Variants in ZNF561 observed in about 807,000 individuals in gnomAD.
ZNF561 encodes zinc finger protein 561.
ZNF561 carries 16 observed loss-of-function variants against 16.7 expected under a neutral mutation model. The observed-to-expected ratio is 0.96, with a 90% confidence interval of 0.65 to 1.45. The LOEUF (loss-of-function observed/expected upper bound fraction) is 1.45, where lower values mean the gene tolerates loss of function less well. ZNF561 is among the 40% of genes most tolerant of loss of function. The probability of loss-of-function intolerance (pLI) is 0.00; values close to 1 mark genes in which losing one functional copy is unlikely to be tolerated. For missense variants in ZNF561, 580 were observed against 578.0 expected (o/e 1.00, Z -0.04); for synonymous variants, 190 against 192.1 (o/e 0.99, Z 0.09).
intron 5 of ZNF561, among the ~76,000 whole-genome samples, chr19:9,613,701 G>A (rs1340188987): frequency 1.3e-5 from 2 of 152,080 alleles, no homozygotes; most frequent in African/African-American, 4.8e-5. Context: ...ATTCTTAGTA[G>A]AGATGGAGTT....
In ZNF561 at chr19:9,609,671, GC is replaced by G. The variant is rs2074411078; in HGVS notation, c.*528del. 1.3e-5 allele frequency: 2 copies of G among 154,124 alleles called. No individual in the cohort carries two copies. Among genetic ancestry groups the G allele is most frequent in the South Asian group, 4.0e-4 (2 of 4,940 alleles). The allele number at this position is 154,124 out of a possible 1,614,324, so 9.5% of individuals were successfully genotyped here. A position where few individuals can be genotyped will look rare whatever the true frequency, so the allele number is the denominator to read the frequency against. On this transcript the variant is annotated 3_prime_UTR_variant, in exon 6 of 6. Transcript: ENST00000302851. ...AGACATACAAGGCAGAACAGGCAAGGCTGTCACACTTCTTAGATTTTACAAG... is the reference window on the plus strand; with the variant it reads ...AGACATACAAGGCAGAACAGGCAAGGTGTCACACTTCTTAGATTTTACAAG...
At position 9,611,195 on chromosome 19, in the gene ZNF561, G is replaced by C. The variant is rs1441382505; in HGVS notation, c.466C>G (p.Leu156Val). Residue 156 changes from leucine (L) to valine (V), a missense_variant, in exon 6 of 6, where the codon CTC becomes GTC. Transcript: ENST00000302851. ...SEGNCYGKDT[L>V]SVHKEASTGQ... ...GTAGAGGCTTCCTTGTGCACACTGA[G>C]GGTGTCTTTTCCATAACAATTACCC... The C allele has an allele frequency of 1.9e-6, 3 of 1,613,932 alleles. No homozygotes were observed. The highest frequency in any genetic ancestry group is 2.5e-6 in the Non-Finnish European group (3 of 1,179,870).
chr19:9,619,363 C>T (rs1266298573), intron 2 of ZNF561, 69 bp downstream of exon 2: 1 of 1,553,218 alleles, frequency 6.4e-7, no homozygotes, highest in Non-Finnish European at 8.8e-7. Flanking sequence ...GCTCAGCTCA[C>T]TGGACGCTTG....
chr19:9,617,078 T>C lies in ZNF561; in HGVS notation c.208A>G (p.Met70Val). Residue 70 changes from methionine (M) to valine (V), a missense_variant, in exon 4 of 6, where the codon ATG becomes GTG. Coordinates refer to ENST00000302851, the MANE Select transcript of ZNF561 (RefSeq NM_152289.3). ...TTEKYLYRDV[M>V]LENYMNLASV... is the part of the protein sequence containing the mutation. ...GCCAGGTTCATGTAGTTCTCCAGCA[T>C]CACATCTCTGTAGAGGTATTTCTCA... The C allele has an allele frequency of 6.2e-7, 1 of 1,612,948 alleles. No homozygotes were observed. The highest frequency in any genetic ancestry group is 1.3e-5 in the African/African-American group (1 of 75,026).
At position 9,618,082 on chromosome 19, in the gene ZNF561, T is replaced by G. The variant is rs529698191; in HGVS notation, c.114+9A>C. 6.5e-7 allele frequency: 1 copy of G among 1,550,016 alleles called. No individual in the cohort carries two copies. The highest frequency in any genetic ancestry group is 8.7e-7 in the Non-Finnish European group (1 of 1,145,874). ...TATCATTTTTAACAACAGTACGTTT[T>G]CTGCTTACCTGATAACCACTTGCCA... On this transcript the variant is annotated intron_variant, in intron 3 of 5. Coordinates refer to ENST00000302851, the MANE Select transcript of ZNF561 (RefSeq NM_152289.3).
rs555721166 is a variant in ZNF561, at chr19:9,607,729, T to C, written c.*2471A>G. On this transcript the variant is annotated 3_prime_UTR_variant, in exon 6 of 6. Coordinates refer to ENST00000302851, the MANE Select transcript of ZNF561 (RefSeq NM_152289.3). ...TAACCTAACGACTAAAGTGGAAAAG[T>C]AAGAGTCATTATTTACAGATTATGT... is the stretch of plus-strand genomic sequence containing the variant. 1 of 152,104 alleles carries C rather than the reference T, an allele frequency of 6.6e-6. No homozygotes were observed. The highest frequency in any genetic ancestry group is 1.5e-5 in the Non-Finnish European group (1 of 68,018). The allele number at this position is 152,104 out of a possible 1,614,324, so 9.4% of individuals were successfully genotyped here.
At chr19:9,619,889 A>ATC (rs1175109111) in intron 1 of ZNF561, among the ~76,000 whole-genome samples, 6 of 138,472 alleles carry the variant, frequency 4.3e-5, no homozygotes, top group Admixed American at 7.6e-5. Flanking sequence ...ATCTATCTAT[A>ATC]TATCTATCTA....
rs116076358 is a variant in ZNF561 at position 9,615,312 on chromosome 19, G to C, written c.242-1209C>G. Among the ~76,000 whole-genome samples the C allele has an allele frequency of 3.5e-3, 532 of 152,032 alleles. 4 individuals carry two copies. The highest frequency in any genetic ancestry group is 0.012 in the African/African-American group (496 of 41,480). On this transcript the variant is annotated intron_variant, in intron 4 of 5. Coordinates refer to ENST00000302851, the MANE Select transcript of ZNF561 (RefSeq NM_152289.3). ...AACTTTTATTTCAGTAAGAAATAAA[G>C]TAGGCTGGGTGTGGTGGCTCATGCC...
At chr19:9,617,651 C>A (rs1161317394) in intron 3 of ZNF561, 1 of 457,140 alleles carries the variant, frequency 2.2e-6, no homozygotes, top group Non-Finnish European at 4.4e-6. Flanking sequence ...GAATTACAGG[C>A]ATGAGCCACT....
Position 9,607,720 on chromosome 19 carries a change from G to C in ZNF561, c.*2480C>G, listed in dbSNP as rs772949980. The C allele has an allele frequency of 2.0e-5, 3 of 152,132 alleles. No individual in the cohort carries two copies. The highest frequency in any genetic ancestry group is 4.4e-5 in the Non-Finnish European group (3 of 68,028). 9.4% of individuals were successfully genotyped at this position (152,132 alleles called of 1,614,324 possible). On this transcript the variant is annotated 3_prime_UTR_variant, in exon 6 of 6. Coordinates refer to ENST00000302851, the MANE Select transcript of ZNF561 (RefSeq NM_152289.3). ...ATATAGGTATAACCTAACGACTAAA[G>C]TGGAAAAGTAAGAGTCATTATTTAC... is the stretch of plus-strand genomic sequence containing the variant.
At chr19:9,611,538 C>T (rs1429636303) in intron 5 of ZNF561, among the ~76,000 whole-genome samples, 2 of 152,148 alleles carry the variant, frequency 1.3e-5, no homozygotes, top group African/African-American at 4.8e-5. Context: ...CCTCCACCTC[C>T]CAGGCTCAAC....
intron 2 of ZNF561, 26 bp downstream of exon 2, chr19:9,619,406 G>A: frequency 6.2e-7 from 1 of 1,611,602 alleles, no homozygotes; most frequent in Non-Finnish European, 8.5e-7. Flanking sequence ...CAGAATCTCT[G>A]AAAAAGAGCA....
intron 4 of ZNF561, among the ~76,000 whole-genome samples, chr19:9,616,769 T>C (rs988608128): frequency 2.0e-5 from 3 of 151,950 alleles, no homozygotes; most frequent in African/African-American, 7.3e-5. Context: ...TTTTTTTGAA[T>C]TTTTTTAGTA....
chr19:9,610,686 A>C lies in ZNF561; in HGVS notation c.975T>G (p.Thr325=). The C allele has an allele frequency of 6.2e-7, 1 of 1,614,186 alleles. No individual in the cohort carries two copies. The highest frequency in any genetic ancestry group is 8.5e-7 in the Non-Finnish European group (1 of 1,180,030). ...TTCCAGTGTGAGTTCTTACATGTTC[A>C]GTAAGTTGAGTTGATCTAGTGAAGG... ...GKAFTRSTQL[T]EHVRTHTGIK... Residue 325 remains threonine, a synonymous_variant, in exon 6 of 6, where the codon ACT becomes ACG. Transcript: ENST00000302851.
chr19:9,617,011 G>A (rs2074566501), intron 4 of ZNF561, 34 bp downstream of exon 4: 2 of 1,584,324 alleles, frequency 1.3e-6, no homozygotes, highest in African/African-American at 1.3e-5. Context: ...ACAGGTGCAG[G>A]CCACCATGCC....
chr19:9,610,251 A>T lies in ZNF561; in HGVS notation c.1410T>A (p.Ile470=). 2 of 1,612,824 alleles carry T rather than the reference A, an allele frequency of 1.2e-6. No homozygotes were observed. Among genetic ancestry groups the T allele is most frequent in the Admixed American group, 3.3e-5 (2 of 59,810 alleles). Residue 470 remains isoleucine (I), a synonymous_variant, in exon 6 of 6, where the codon ATT becomes ATA. Coordinates refer to ENST00000302851, the MANE Select transcript of ZNF561 (RefSeq NM_152289.3). ...ATTCATAGGGTTTCTCCCCAGTGTG[A>T]ATTCTTTCATGTCTACTTAGGCGTG... ...VSSRLSRHER[I]HTGEKPYECK...
At position 9,608,291 on chromosome 19, in the gene ZNF561, G is replaced by GAGGAGAA. The variant is rs1568226065; in HGVS notation, c.*1902_*1908dup. ...AGAGAGAGAAAGAGGAGAGAGGAGA[G>GAGGAGAA]AGGAGAAAGGAGAGAGGAGAGAGAG... On this transcript the variant is annotated 3_prime_UTR_variant, in exon 6 of 6. Transcript: ENST00000302851. 6.6e-6 allele frequency: 1 copy of GAGGAGAA among 151,878 alleles called. No individual in the cohort carries two copies. The highest frequency in any genetic ancestry group is 2.4e-5 in the African/African-American group (1 of 41,356). The allele number at this position is 151,878 out of a possible 1,614,324, so 9.4% of individuals were successfully genotyped here. A position where few individuals can be genotyped will look rare whatever the true frequency, so the allele number is the denominator to read the frequency against.
chr19:9,608,194 T>C lies in ZNF561; in HGVS notation c.*2006A>G, dbSNP rs2144856304. ...CCTGAAAATAGGCTCTTTAGAAGTATCGTGAAATGATGTCAAGAGATGGGT... is the reference window on the plus strand; with the variant it reads ...CCTGAAAATAGGCTCTTTAGAAGTACCGTGAAATGATGTCAAGAGATGGGT... On this transcript the variant is annotated 3_prime_UTR_variant, in exon 6 of 6. Transcript: ENST00000302851. The C allele has an allele frequency of 6.9e-6, 1 of 145,372 alleles. No homozygotes were observed. The highest frequency in any genetic ancestry group is 2.5e-5 in the African/African-American group (1 of 39,244). The allele number at this position is 145,372 out of a possible 1,614,324, so 9.0% of individuals were successfully genotyped here. A position where few individuals can be genotyped will look rare whatever the true frequency, so the allele number is the denominator to read the frequency against.
At position 9,619,461 on chromosome 19, in the gene ZNF561, T is replaced by C; in HGVS notation, c.-5A>G. 1 of 1,613,114 alleles carries C rather than the reference T, an allele frequency of 6.2e-7. No homozygotes were observed. Among genetic ancestry groups the C allele is most frequent in the Non-Finnish European group, 8.5e-7 (1 of 1,179,376 alleles). ...GGACAAATAAATGGCTGCCATTCTC[T>C]GAAGCTGATGGTGTGATGATGTGCA... is the stretch of plus-strand genomic sequence containing the variant. On this transcript the variant is annotated 5_prime_UTR_variant, in exon 2 of 6. Transcript: ENST00000302851.
Sources: gnomAD v4.1 joint callset for allele counts (sites outside exome capture counted in the v4.1 genomes callset) on GRCh38, gnomAD v4.1.1 for gene constraint, MANE v1.5 for transcripts, NCBI Gene and HGNC (gene_info 2026-07-23, HGNC 2026-07-21) for gene names.